Variants in RUNX2 observed in about 807,000 individuals in gnomAD.
The protein encoded by RUNX2 is runt-related transcription factor 2.
RUNX2 carries 10 observed loss-of-function variants against 51.7 expected under a neutral mutation model. That is an observed-to-expected ratio of 0.19 (90% CI 0.12 to 0.33). The LOEUF (loss-of-function observed/expected upper bound fraction) is 0.33, where lower values mean the gene tolerates loss of function less well. RUNX2 is among the 10% of genes least tolerant of loss of function. RUNX2 has a pLI of 1.00. For missense variants in RUNX2, 562 were observed against 691.3 expected, an observed-to-expected ratio of 0.81 and a Z score of 2.10; for synonymous variants, 276 against 273.6, an observed-to-expected ratio of 1.01 and a Z score of -0.09.
intron 2 of RUNX2, among the ~76,000 whole-genome samples, chr6:45,403,304 G>T (rs560983446): frequency 6.7e-6 from 1 of 148,970 alleles, no homozygotes; most frequent in South Asian, 2.1e-4. Flanking sequence ...TGCGATCTCG[G>T]CTCACTGCAA....
chr6:45,357,287 G>A (rs759979886), intron 2 of RUNX2, among the ~76,000 whole-genome samples: 4 of 152,014 alleles, frequency 2.6e-5, no homozygotes, highest in East Asian at 1.9e-4. Context: ...GATTATAGGC[G>A]TGAGCCACTG....
intron 6 of RUNX2, among the ~76,000 whole-genome samples, chr6:45,510,992 A>G (rs1361329304): frequency 6.6e-6 from 1 of 152,228 alleles, no homozygotes; most frequent in Non-Finnish European, 1.5e-5. Flanking sequence ...AAGTCCGTGC[A>G]TATTCTAAGA....
At chr6:45,352,335 GT>G (rs1434055450) in intron 2 of RUNX2, among the ~76,000 whole-genome samples, 1 of 152,020 alleles carries the variant, frequency 6.6e-6, no homozygotes. Flanking sequence ...AGATCAAGTA[GT>G]TTTTTTCAGA....
intron 3 of RUNX2, among the ~76,000 whole-genome samples, chr6:45,424,349 GCTGTCCACACTCGCAGGA>G (rs955996186): frequency 2.0e-5 from 3 of 152,320 alleles, no homozygotes; most frequent in African/African-American, 4.8e-5. Flanking sequence ...GGGTTCCCAG[GCTGTCCACACTCGCAGGA>G]CTGTCCACAC....
intron 7 of RUNX2, among the ~76,000 whole-genome samples, chr6:45,544,695 C>T (rs1022064775): frequency 3.3e-5 from 5 of 152,152 alleles, no homozygotes; most frequent in Non-Finnish European, 7.3e-5. Context: ...AGTGCCCTGC[C>T]CATCGCTGTT....
chr6:45,499,492 C>A (rs1800739122), intron 6 of RUNX2, among the ~76,000 whole-genome samples: 1 of 152,174 alleles, frequency 6.6e-6, no homozygotes, highest in Non-Finnish European at 1.5e-5. Flanking sequence ...CTGTGAAGGG[C>A]TGGTGGTCAA....
At chr6:45,434,200 G>A (rs1346224528) in intron 4 of RUNX2, among the ~76,000 whole-genome samples, 1 of 150,314 alleles carries the variant, frequency 6.7e-6, no homozygotes, top group Non-Finnish European at 1.5e-5. Flanking sequence ...ATCACACTCT[G>A]AAAAAAAAAT....
At chr6:45,526,676 T>G (rs1484208733) in intron 7 of RUNX2, among the ~76,000 whole-genome samples, 1 of 152,202 alleles carries the variant, frequency 6.6e-6, no homozygotes, top group Admixed American at 6.5e-5. Flanking sequence ...GGAGATACTC[T>G]GATGATCAAG....
chr6:45,545,313 AGGGCT>A (rs1308856325), intron 8 of RUNX2, 31 bp downstream of exon 8: 43 of 969,658 alleles, frequency 4.4e-5, no homozygotes, highest in Non-Finnish European at 4.8e-5. Context: ...TGGGCTGGGC[AGGGCT>A]GGGCTGGGCT....
At chr6:45,411,343 G>A (rs1337293800) in intron 2 of RUNX2, among the ~76,000 whole-genome samples, 1 of 152,096 alleles carries the variant, frequency 6.6e-6, no homozygotes, top group Non-Finnish European at 1.5e-5. Context: ...AGTGACAAGT[G>A]CAAAGCAACT....
intron 5 of RUNX2, among the ~76,000 whole-genome samples, chr6:45,442,989 C>A (rs1482557377): frequency 6.7e-6 from 1 of 148,392 alleles, no homozygotes; most frequent in Non-Finnish European, 1.5e-5. Context: ...CACATGGCGG[C>A]AGCTCAGGGC....
chr6:45,348,512 C>A (rs7748505), intron 2 of RUNX2, among the ~76,000 whole-genome samples: 93 of 110,334 alleles, frequency 8.4e-4, no homozygotes, highest in Non-Finnish European at 9.3e-4. Flanking sequence ...ACTAAAAATA[C>A]AAAAAAAAAA....
chr6:45,405,915 C>T (rs911015301), intron 2 of RUNX2, among the ~76,000 whole-genome samples: 5 of 152,118 alleles, frequency 3.3e-5, no homozygotes, highest in African/African-American at 1.2e-4. Flanking sequence ...GAGATACCAC[C>T]CTGTGCCTCT....
At chr6:45,330,719 C>CT (rs1051835312) in intron 2 of RUNX2, among the ~76,000 whole-genome samples, 116 of 149,356 alleles carry the variant, frequency 7.8e-4, no homozygotes, top group South Asian at 1.7e-3. Flanking sequence ...GGTAGTGAAC[C>CT]TTTTTTTTTT....
In RUNX2 at chr6:45,330,982, C is replaced by T. The variant is rs1787362306; in HGVS notation, c.58+2198C>T. On this transcript the variant is annotated intron_variant, in intron 2 of 8. Transcript: ENST00000647337. ...TTTATATAATGATTATCACCACCAC[C>T]TAATGAAATGTCTTAAGTATGTGCC... 1.3e-5 allele frequency among the ~76,000 whole-genome samples: 2 copies of T among 151,906 alleles called. 1 individual carries two copies. Among genetic ancestry groups the T allele is most frequent in the South Asian group, 4.1e-4 (2 of 4,830 alleles).
At chr6:45,516,483 C>T (rs953140431) in intron 7 of RUNX2, among the ~76,000 whole-genome samples, 3 of 152,208 alleles carry the variant, frequency 2.0e-5, no homozygotes, top group Non-Finnish European at 4.4e-5. Context: ...GCAGAAGACA[C>T]CTCCTTTCCT....
At chr6:45,354,814 G>C (rs577778970) in intron 2 of RUNX2, among the ~76,000 whole-genome samples, 2 of 152,150 alleles carry the variant, frequency 1.3e-5, no homozygotes, top group African/African-American at 4.8e-5. Flanking sequence ...AGCTTATAAA[G>C]ATAATGCTGT....
chr6:45,478,748 A>G (rs1800028856), intron 5 of RUNX2, among the ~76,000 whole-genome samples: 2 of 152,176 alleles, frequency 1.3e-5, no homozygotes, highest in African/African-American at 2.4e-5. Flanking sequence ...GTTATTTTAC[A>G]GATGAGAAAA....
At chr6:45,506,086 T>A (rs1292294624) in intron 6 of RUNX2, among the ~76,000 whole-genome samples, 1 of 152,174 alleles carries the variant, frequency 6.6e-6, no homozygotes, top group African/African-American at 2.4e-5. Flanking sequence ...GAAAATGTGT[T>A]GTTGCAGATC....
Sources: gnomAD v4.1 joint callset for allele counts (sites outside exome capture counted in the v4.1 genomes callset) on GRCh38, gnomAD v4.1.1 for gene constraint, MANE v1.5 for transcripts, NCBI Gene and HGNC (gene_info 2026-07-23, HGNC 2026-07-21) for gene names.